ZNF627: variants seen among roughly 807,000 people sequenced by gnomAD.
ZNF627 encodes zinc finger protein 627.
A neutral mutation model predicts 10.6 loss-of-function variants in ZNF627; 12 were observed. That is an observed-to-expected ratio of 1.13 (90% CI 0.73 to 1.84). The LOEUF is 1.84. Among genes scored for constraint, ZNF627 ranks in the 40% most tolerant of loss-of-function variants. The pLI, the probability that ZNF627 is intolerant of heterozygous loss-of-function variation, is 0.00. For missense variants in ZNF627, 504 were observed against 568.4 expected (o/e 0.89, Z 1.15); for synonymous variants, 176 against 187.1 (o/e 0.94, Z 0.48).
chr19:11,612,301 T>A (rs973823018), intron 1 of ZNF627, among the ~76,000 whole-genome samples: 11 of 151,660 alleles, frequency 7.3e-5, no homozygotes, highest in Non-Finnish European at 1.6e-4. Flanking sequence ...TTTGTATTTT[T>A]CGTAGAGATG....
chr19:11,610,432 TC>T (rs1599660016), intron 1 of ZNF627, among the ~76,000 whole-genome samples: 2 of 151,940 alleles, frequency 1.3e-5, no homozygotes, highest in African/African-American at 4.8e-5. Context: ...CCCTTTTTTT[TC>T]CTCAAAAAAT....
intron 1 of ZNF627, among the ~76,000 whole-genome samples, chr19:11,602,519 T>C (rs1357176157): frequency 6.6e-6 from 1 of 152,230 alleles, no homozygotes; most frequent in Admixed American, 6.6e-5. Flanking sequence ...CATTTTCCCT[T>C]ACATCCATCC....
At chr19:11,600,904 T>C (rs918124938) in intron 1 of ZNF627, among the ~76,000 whole-genome samples, 5 of 152,210 alleles carry the variant, frequency 3.3e-5, no homozygotes, top group Non-Finnish European at 7.3e-5. Context: ...CCTGTTAAGG[T>C]ATGAAATATA....
chr19:11,607,477 A>G (rs1568441146), intron 1 of ZNF627, among the ~76,000 whole-genome samples: 1 of 151,960 alleles, frequency 6.6e-6, no homozygotes. Flanking sequence ...AATTTTTCCA[A>G]ACTTTAATGT....
chr19:11,604,663 A>G (rs544117702), intron 1 of ZNF627, among the ~76,000 whole-genome samples: 214 of 152,304 alleles, frequency 1.4e-3, no homozygotes, highest in Middle Eastern at 3.4e-3. Context: ...TAAATGAACC[A>G]GGGTCTCAAG....
intron 1 of ZNF627, among the ~76,000 whole-genome samples, chr19:11,611,528 T>G (rs533971177): frequency 5.3e-5 from 8 of 152,316 alleles, no homozygotes; most frequent in African/African-American, 1.9e-4. Context: ...TTCTGGTGTT[T>G]TATCCAAGAA....
chr19:11,597,787 G>C (rs1973516419), intron 1 of ZNF627, among the ~76,000 whole-genome samples, 157 bp downstream of exon 1: 1 of 152,200 alleles, frequency 6.6e-6, no homozygotes, highest in Admixed American at 6.5e-5. Context: ...CAGGAGCTGG[G>C]ACCCCGGTCG....
At chr19:11,608,638 ATATCCTGGAGAAATG>A (rs2145130694) in intron 1 of ZNF627, among the ~76,000 whole-genome samples, 1 of 152,190 alleles carries the variant, frequency 6.6e-6, no homozygotes, top group African/African-American at 2.4e-5. Flanking sequence ...CCATTTGTAT[ATATCCTGGAGAAATG>A]TCCATTCAAG....
At chr19:11,606,439 G>A (rs1282111699) in intron 1 of ZNF627, among the ~76,000 whole-genome samples, 1 of 152,226 alleles carries the variant, frequency 6.6e-6, no homozygotes, top group East Asian at 1.9e-4. Flanking sequence ...GGGCACCTCT[G>A]CCCCTGTGGC....
At chr19:11,598,505 C>T (rs1973531151) in intron 1 of ZNF627, among the ~76,000 whole-genome samples, 1 of 152,104 alleles carries the variant, frequency 6.6e-6, no homozygotes, top group Non-Finnish European at 1.5e-5. Flanking sequence ...ACACCATAGC[C>T]ACAGCCCTCT....
chr19:11,603,678 G>A (rs1335866891), intron 1 of ZNF627, among the ~76,000 whole-genome samples: 1 of 151,972 alleles, frequency 6.6e-6, no homozygotes, highest in African/African-American at 2.4e-5. Context: ...AATCTTCCAT[G>A]AAATGGTATT....
intron 1 of ZNF627, 114 bp from the exon 2 acceptor site, chr19:11,614,413 C>G: frequency 6.6e-7 from 1 of 1,512,188 alleles, no homozygotes; most frequent in Non-Finnish European, 9.0e-7. Flanking sequence ...ACTGTGGAAT[C>G]TTGAAATAAA....
rs559426216 is a variant in ZNF627, at chr19:11,614,736, C to G, written c.130+83C>G. The G allele has an allele frequency of 3.1e-6, 5 of 1,605,904 alleles. No homozygotes were observed. The African/African-American group carries it at 6.7e-5, about 22-fold the overall frequency. ...TTAACACTTTGGGGAATAAACCAGGCATGGGTACAGGGAATTATGAATATA... is the reference window on the plus strand; with the variant it reads ...TTAACACTTTGGGGAATAAACCAGGGATGGGTACAGGGAATTATGAATATA... On this transcript the variant is annotated intron_variant, in intron 2 of 3. Coordinates refer to ENST00000361113, the MANE Select transcript of ZNF627 (RefSeq NM_145295.4).
chr19:11,599,508 G>A (rs1277917792), intron 1 of ZNF627, among the ~76,000 whole-genome samples: 3 of 152,180 alleles, frequency 2.0e-5, no homozygotes, highest in African/African-American at 4.8e-5. Flanking sequence ...AAAGCAAAAT[G>A]TACTTCAGGC....
chr19:11,616,702 C>G lies in ZNF627; in HGVS notation c.199C>G (p.Pro67Ala), dbSNP rs1973873468. Reference sequence around the variant, plus strand: ...TCTCATTTTTCTGACAAGTCATATTCCAGAGAGACTCTGTGAAAGTAAAGA... The same window carrying G: ...TCTCATTTTTCTGACAAGTCATATTGCAGAGAGACTCTGTGAAAGTAAAGA... Reference protein sequence around the residue: ...KIPRRNISHIPERLCESKEGG... With the variant: ...KIPRRNISHIAERLCESKEGG... The change falls in exon 4 of 4, where the codon CCA (proline) becomes GCA (alanine). Residue 67 changes from proline (P) to alanine (A), a missense_variant. Pro to Ala is a conservative substitution (Grantham distance 27, BLOSUM62 -1). Coordinates refer to ENST00000361113, the MANE Select transcript of ZNF627 (RefSeq NM_145295.4). 1 of 1,578,182 alleles carries G rather than the reference C, an allele frequency of 6.3e-7. No individual in the cohort carries two copies. Among genetic ancestry groups the G allele is most frequent in the African/African-American group, 1.4e-5 (1 of 73,468 alleles).
intron 1 of ZNF627, 42 bp downstream of exon 1, chr19:11,597,672 G>A: frequency 7.5e-7 from 1 of 1,335,748 alleles, no homozygotes; most frequent in Non-Finnish European, 9.7e-7. Flanking sequence ...TGGGGGAGGG[G>A]CTGGTTGGAA....
chr19:11,614,200 G>A (rs374328335), intron 1 of ZNF627, among the ~76,000 whole-genome samples: 7 of 152,130 alleles, frequency 4.6e-5, no homozygotes, highest in Non-Finnish European at 8.8e-5. Flanking sequence ...GATTACAGGC[G>A]TGAGCCACCG....
chr19:11,598,651 A>G (rs937138369), intron 1 of ZNF627, among the ~76,000 whole-genome samples: 1 of 152,178 alleles, frequency 6.6e-6, no homozygotes, highest in Non-Finnish European at 1.5e-5. Context: ...TATTCCCAAA[A>G]GGTAACTCCA....
At position 11,617,920 on chromosome 19, in the gene ZNF627, T is replaced by G. The variant is rs770660313; in HGVS notation, c.*31T>G. The G allele has an allele frequency of 6.7e-7, 1 of 1,490,188 alleles. No homozygotes were observed. The highest frequency in any genetic ancestry group is 2.3e-5 in the Admixed American group (1 of 42,718). The allele number at this position is 1,490,188 out of a possible 1,614,324, so 92.3% of individuals were successfully genotyped here. A position where few individuals can be genotyped will look rare whatever the true frequency, so the allele number is the denominator to read the frequency against. On this transcript the variant is annotated 3_prime_UTR_variant, in exon 4 of 4. Coordinates refer to ENST00000361113, the MANE Select transcript of ZNF627 (RefSeq NM_145295.4). ...AAAGGAGTCACATAGAGAAACCCCA[T>G]GAAAGTAAGAAATTTGGGAAAGCCT...
Sources: allele counts gnomAD v4.1 joint callset (sites outside exome capture counted in the v4.1 genomes callset), GRCh38; gene constraint gnomAD v4.1.1; transcripts MANE v1.5; gene names NCBI Gene and HGNC (gene_info 2026-07-23, HGNC 2026-07-21).